Variants in ST8SIA6 observed in about 807,000 individuals in gnomAD.
The protein encoded by ST8SIA6 is ST8 alpha-N-acetyl-neuraminide alpha-2,8-sialyltransferase 6, also known as alpha-2,8-sialyltransferase 8F.
Under a neutral mutation model 33.6 loss-of-function variants are expected in ST8SIA6, and 39 were observed. That is an observed-to-expected ratio of 1.16 (90% confidence interval 0.90 to 1.52). The LOEUF (loss-of-function observed/expected upper bound fraction) is 1.52, where lower values mean the gene tolerates loss of function less well. Ranked by LOEUF, ST8SIA6 falls within the 40% of genes most tolerant of loss-of-function variation. The probability of loss-of-function intolerance (pLI) is 0.00; values close to 1 mark genes in which losing one functional copy is unlikely to be tolerated. For synonymous variants in ST8SIA6, 172 were observed against 167.2 expected (o/e 1.03, Z -0.22); for missense variants, 441 against 443.8 (o/e 0.99, Z 0.06).
At chr10:17,368,437 A>G (rs974966263) in intron 3 of ST8SIA6, among the ~76,000 whole-genome samples, 2 of 145,604 alleles carry the variant, frequency 1.4e-5, no homozygotes, top group Admixed American at 6.9e-5. Context: ...AAAAAATTCT[A>G]TGTTCTCGTG....
Position 17,454,123 on chromosome 10 carries a change from C to A in ST8SIA6, c.101+32G>T, listed in dbSNP as rs1448648642. 3 of 259,788 alleles carry A rather than the reference C, an allele frequency of 1.2e-5. No homozygotes were observed. The highest frequency in any genetic ancestry group is 1.4e-5 in the Non-Finnish European group (2 of 138,884). The allele number at this position is 259,788 out of a possible 1,614,324, so 16.1% of individuals were successfully genotyped here. On this transcript the variant is annotated intron_variant, in intron 1 of 7. Transcript: ENST00000377602. The surrounding 1 kb of genome is among the most constrained non-coding windows in gnomAD (Gnocchi z 4.1). ...CGGGGGCGCCAGGCGGGGCGCGCGG[C>A]GCGGGGCGCGGCCGGCGGGTGGGTG... is the stretch of plus-strand genomic sequence containing the variant.
intron 3 of ST8SIA6, among the ~76,000 whole-genome samples, chr10:17,388,033 C>T (rs561627292): frequency 6.6e-6 from 1 of 152,334 alleles, no homozygotes; most frequent in South Asian, 2.1e-4. Context: ...TGTCAACAGA[C>T]TCAGACAAAG....
intron 4 of ST8SIA6, among the ~76,000 whole-genome samples, chr10:17,341,521 G>A (rs1317604972): frequency 6.6e-6 from 1 of 152,246 alleles, no homozygotes; most frequent in Non-Finnish European, 1.5e-5. Flanking sequence ...GAAACCCAAA[G>A]CCCCAGTATG....
chr10:17,397,295 G>A (rs1024051510), intron 2 of ST8SIA6, among the ~76,000 whole-genome samples: 9 of 141,090 alleles, frequency 6.4e-5, no homozygotes, highest in African/African-American at 1.3e-4. Context: ...CTGCAATGGC[G>A]TATTCTCAGC....
At chr10:17,375,244 A>C (rs967408591) in intron 3 of ST8SIA6, among the ~76,000 whole-genome samples, 1 of 152,220 alleles carries the variant, frequency 6.6e-6, no homozygotes, top group Admixed American at 6.5e-5. Flanking sequence ...ACATCATTCT[A>C]GGCCAAGAAA....
intron 2 of ST8SIA6, among the ~76,000 whole-genome samples, chr10:17,422,131 A>G (rs1027909030): frequency 2.0e-5 from 3 of 152,208 alleles, no homozygotes; most frequent in Non-Finnish European, 4.4e-5. Flanking sequence ...AATCAAGAGA[A>G]CAATCTTTAA....
intron 2 of ST8SIA6, among the ~76,000 whole-genome samples, chr10:17,429,786 T>C (rs1852048646): frequency 6.6e-6 from 1 of 152,182 alleles, no homozygotes; most frequent in Non-Finnish European, 1.5e-5. Flanking sequence ...TGCCTGGCCT[T>C]ACTTTTTCAA....
chr10:17,352,057 AT>A (rs146645968), intron 4 of ST8SIA6, among the ~76,000 whole-genome samples: 26,519 of 151,948 alleles, frequency 0.17, 2,591 homozygotes, highest in East Asian at 0.49. Context: ...AAAAAAAAAA[AT>A]GTTAAGCATA....
intron 3 of ST8SIA6, among the ~76,000 whole-genome samples, chr10:17,368,771 A>T (rs181979340): frequency 2.4e-3 from 369 of 152,262 alleles, no homozygotes; most frequent in Non-Finnish European, 4.6e-3. Flanking sequence ...AAGAAATTGT[A>T]AAGGCTGGAG....
rs746109264 is a variant in ST8SIA6 at position 17,453,619 on chromosome 10, G to T, written c.140C>A (p.Thr47Asn). The T allele has an allele frequency of 7.5e-7, 1 of 1,327,232 alleles. No homozygotes were observed. Among genetic ancestry groups the T allele is most frequent in the Admixed American group, 3.1e-5 (1 of 32,580 alleles). The allele number at this position is 1,327,232 out of a possible 1,614,324, so 82.2% of individuals were successfully genotyped here. The change falls in exon 2 of 8, where the codon ACC (threonine) becomes AAC (asparagine). Residue 47 changes from threonine (T) to asparagine (N), a missense_variant. By Grantham distance (65) the Thr-to-Asn change is moderately conservative (BLOSUM62 0). Transcript: ENST00000377602. ...VEESREATHG[T>N]PAALRTLRSP... ...CCGGAGCGTCCTCAGCGCTGCGGGG[G>T]TGCCGTGGGTGGCCTCCCTGCTTTC...
intron 4 of ST8SIA6, among the ~76,000 whole-genome samples, chr10:17,351,098 G>T (rs1849016081): frequency 6.6e-6 from 1 of 151,842 alleles, no homozygotes; most frequent in African/African-American, 2.4e-5. Context: ...AGTGTTCCCT[G>T]CCCCCACCCC....
chr10:17,322,084 CAA>C (rs1388858984), intron 7 of ST8SIA6, among the ~76,000 whole-genome samples: 4 of 103,068 alleles, frequency 3.9e-5, no homozygotes, highest in African/African-American at 7.6e-5. Flanking sequence ...ACCTGGGTGA[CAA>C]AGAGAGACAG....
Position 17,333,688 on chromosome 10 carries a change from TATATATATATATATATATA to T in ST8SIA6, c.378-2155_378-2137del, listed in dbSNP as rs1564404794. The stretch of plus-strand genomic sequence containing the variant: ...TGGTGCTGGGATATATATATATATA[TATATATATATATATATATA>T]TATATATATATTTTTTTTTTTTTTT... On this transcript the variant is annotated intron_variant, in intron 4 of 7. Coordinates refer to ENST00000377602, the MANE Select transcript of ST8SIA6 (RefSeq NM_001004470.3). 2.0e-3 allele frequency among the ~76,000 whole-genome samples: 42 copies of T among 21,320 alleles called. 3 individuals carry two copies. The highest frequency in any genetic ancestry group is 7.4e-3 in the East Asian group (2 of 272). 14.0% of individuals were successfully genotyped at this position (21,320 alleles called of 152,430 possible).
At chr10:17,322,759 T>C (rs1847999194) in intron 7 of ST8SIA6, among the ~76,000 whole-genome samples, 1 of 152,056 alleles carries the variant, frequency 6.6e-6, no homozygotes, top group African/African-American at 2.4e-5. Context: ...GAAAAAAGAG[T>C]AATGCTAACA....
intron 2 of ST8SIA6, among the ~76,000 whole-genome samples, chr10:17,424,713 G>A (rs77625661): frequency 2.0e-5 from 3 of 151,324 alleles, no homozygotes; most frequent in Admixed American, 2.0e-4. Context: ...TTTCTTTTAG[G>A]AAGAAATAAT....
chr10:17,395,631 T>C (rs1850778269), intron 2 of ST8SIA6, among the ~76,000 whole-genome samples: 1 of 152,196 alleles, frequency 6.6e-6, no homozygotes, highest in Non-Finnish European at 1.5e-5. Flanking sequence ...GCCTGTAATC[T>C]GAGCACTTTG....
At chr10:17,321,536 C>A (rs147052201) in intron 7 of ST8SIA6, among the ~76,000 whole-genome samples, 190 bp from the exon 8 acceptor site, 174 of 152,256 alleles carry the variant, frequency 1.1e-3, no homozygotes, top group Non-Finnish European at 1.7e-3. Flanking sequence ...ACAGCTAGAT[C>A]TTCATCTCTC....
In ST8SIA6 at chr10:17,410,933, T is replaced by C. The variant is rs566376234; in HGVS notation, c.201-20313A>G. Among the ~76,000 whole-genome samples the C allele has an allele frequency of 2.0e-5, 3 of 152,310 alleles. No individual in the cohort carries two copies. In the South Asian group the frequency reaches 6.2e-4, roughly 32 times the overall value. ...GAGAATTGGCTAACCAAATTTACTGTGCTTAGGTAAACTGTAATTAGGAAG... is the reference window on the plus strand; with the variant it reads ...GAGAATTGGCTAACCAAATTTACTGCGCTTAGGTAAACTGTAATTAGGAAG... On this transcript the variant is annotated intron_variant, in intron 2 of 7. Transcript: ENST00000377602.
chr10:17,417,148 A>G (rs1564454584), intron 2 of ST8SIA6, among the ~76,000 whole-genome samples: 1 of 150,346 alleles, frequency 6.7e-6, no homozygotes, highest in East Asian at 1.9e-4. Context: ...ACATGGATAG[A>G]GAGAGAGAGA....
Sources: gnomAD v4.1 joint callset for allele counts (sites outside exome capture counted in the v4.1 genomes callset) on GRCh38, gnomAD v4.1.1 for gene constraint, Gnocchi (gnomAD v3.1) non-coding constraint, MANE v1.5 for transcripts, NCBI Gene and HGNC (gene_info 2026-07-23, HGNC 2026-07-21) for gene names.